The following LRBA variants were observed in gnomAD, a reference collection of about 807,000 sequenced individuals.
The protein encoded by LRBA is LPS responsive beige-like anchor protein.
A neutral mutation model predicts 330.0 loss-of-function variants in LRBA; 176 were observed. The ratio of observed to expected loss-of-function variants is 0.53; its 90% CI spans 0.47 to 0.60. The LOEUF (loss-of-function observed/expected upper bound fraction) is 0.60, where lower values mean the gene tolerates loss of function less well. Ranked by LOEUF, LRBA falls within the 20% of genes least tolerant of loss-of-function variation. LRBA has a pLI of 0.00. For missense variants in LRBA, 3,259 were observed against 3,444.8 expected, an observed-to-expected ratio of 0.95 and a Z score of 1.35; for synonymous variants, 1,230 against 1,193.0, an observed-to-expected ratio of 1.03 and a Z score of -0.64.
intron 39 of LRBA, among the ~76,000 whole-genome samples, chr4:150,588,876 T>C (rs1772448849): frequency 6.6e-6 from 1 of 152,166 alleles, no homozygotes; most frequent in African/African-American, 2.4e-5. Flanking sequence ...TGAATTTTTA[T>C]TGGAATAATC....
At chr4:150,945,948 C>T (rs761867330) in intron 2 of LRBA, among the ~76,000 whole-genome samples, 7 of 151,890 alleles carry the variant, frequency 4.6e-5, no homozygotes, top group Admixed American at 6.6e-5. Flanking sequence ...TACAGGTGTA[C>T]GCCACCAAGC....
intron 49 of LRBA, 129 bp downstream of exon 49, chr4:150,325,680 T>C (rs770783352): frequency 1.8e-5 from 12 of 649,364 alleles, no homozygotes; most frequent in Non-Finnish European, 2.8e-5. Flanking sequence ...GTTAGCAGGT[T>C]AACAAATATT....
At chr4:150,817,924 A>T (rs1744840632) in intron 30 of LRBA, among the ~76,000 whole-genome samples, 1 of 152,090 alleles carries the variant, frequency 6.6e-6, no homozygotes, top group African/African-American at 2.4e-5. Flanking sequence ...TTTTAATTGA[A>T]GTTGGCTCCA....
chr4:150,739,203 A>G (rs899423901), intron 35 of LRBA, among the ~76,000 whole-genome samples: 1 of 152,194 alleles, frequency 6.6e-6, no homozygotes, highest in South Asian at 2.1e-4. Flanking sequence ...GAGATTCTAA[A>G]TTTGTATGCT....
intron 41 of LRBA, among the ~76,000 whole-genome samples, chr4:150,489,144 A>AAGACTATATAAT (rs1758347067): frequency 9.1e-6 from 1 of 110,484 alleles, no homozygotes; most frequent in Admixed American, 1.2e-4. Context: ...TATAATATAT[A>AAGACTATATAAT]ATATATCAGA....
At chr4:150,931,745 G>A (rs967840124) in intron 2 of LRBA, among the ~76,000 whole-genome samples, 29 of 151,860 alleles carry the variant, frequency 1.9e-4, no homozygotes, top group African/African-American at 6.8e-4. Flanking sequence ...CTGGGTGACA[G>A]TGCAAGATCC....
At chr4:150,464,724 T>G (rs1413074891) in intron 44 of LRBA, among the ~76,000 whole-genome samples, 1 of 152,046 alleles carries the variant, frequency 6.6e-6, no homozygotes, top group Non-Finnish European at 1.5e-5. Flanking sequence ...ACCTAAGCTG[T>G]CACAGCTCAA....
chr4:150,828,922 G>GTGGGTGTGTGT (rs1560878315), intron 29 of LRBA, among the ~76,000 whole-genome samples: 6 of 106,176 alleles, frequency 5.7e-5, no homozygotes, highest in African/African-American at 2.7e-4. Flanking sequence ...CTTTTTTGGG[G>GTGGGTGTGTGT]GTGTGTGTGT....
At position 150,827,705 on chromosome 4, in the gene LRBA, G is replaced by A. The variant is rs149807065; in HGVS notation, c.5171+475C>T. 8.9e-3 allele frequency among the ~76,000 whole-genome samples: 1,341 copies of A among 151,262 alleles called. 89 individuals are homozygous for A. Among genetic ancestry groups the A allele is most frequent in the Non-Finnish European group, 2.2e-3 (147 of 67,882 alleles). On this transcript the variant is annotated intron_variant, in intron 30 of 56. Coordinates refer to ENST00000651943, the MANE Select transcript of LRBA (RefSeq NM_001364905.1). ...ACCACTGCCCCTCCTGGGTTCAAGC[G>A]ATTCTCCTGCCTCAGCCTCTGGAGT...
At chr4:150,944,307 AT>A (rs1736005492) in intron 2 of LRBA, among the ~76,000 whole-genome samples, 1 of 152,256 alleles carries the variant, frequency 6.6e-6, no homozygotes, top group African/African-American at 2.4e-5. Context: ...TGTATCATAA[AT>A]TTTTTAATTC....
intron 2 of LRBA, among the ~76,000 whole-genome samples, chr4:150,929,977 G>C (rs1391230017): frequency 6.6e-6 from 1 of 152,030 alleles, no homozygotes; most frequent in Admixed American, 6.5e-5. Context: ...TTTCCAAACT[G>C]CATACCCAAA....
intron 2 of LRBA, 144 bp from the exon 3 acceptor site, chr4:150,929,209 A>G: frequency 1.8e-6 from 1 of 559,982 alleles, no homozygotes; most frequent in South Asian, 3.1e-5. Context: ...CAGCTCAAAA[A>G]ACTGAAGTTT....
At chr4:150,842,596 C>T (rs763067288) in intron 28 of LRBA, among the ~76,000 whole-genome samples, 1 of 152,042 alleles carries the variant, frequency 6.6e-6, no homozygotes, top group Non-Finnish European at 1.5e-5. Flanking sequence ...CAAAGGATTC[C>T]AGGGAGAAAA....
chr4:150,486,645 A>G (rs1435873749), intron 42 of LRBA, among the ~76,000 whole-genome samples: 2 of 151,814 alleles, frequency 1.3e-5, no homozygotes, highest in African/African-American at 4.8e-5. Context: ...TACCTCATAT[A>G]TTCATCATTT....
At chr4:150,573,539 A>G (rs994815615) in intron 40 of LRBA, among the ~76,000 whole-genome samples, 2 of 152,272 alleles carry the variant, frequency 1.3e-5, no homozygotes, top group African/African-American at 2.4e-5. Flanking sequence ...AGATAGACTG[A>G]CTGGTATATA....
intron 48 of LRBA, among the ~76,000 whole-genome samples, chr4:150,337,980 C>T (rs1415177604): frequency 6.6e-6 from 1 of 152,124 alleles, no homozygotes; most frequent in Non-Finnish European, 1.5e-5. Flanking sequence ...GAATTCTAAG[C>T]CAAAAATGCT....
rs967333318 is a variant in LRBA, at chr4:150,964,801, A to C, written c.217-35736T>G. 8.5e-5 allele frequency among the ~76,000 whole-genome samples: 13 copies of C among 152,310 alleles called. No homozygotes were observed. The East Asian group carries it at 2.3e-3, about 27-fold the overall frequency. On this transcript the variant is annotated intron_variant, in intron 2 of 56. Coordinates refer to ENST00000651943, the MANE Select transcript of LRBA (RefSeq NM_001364905.1). ...CCTGCCAAATCCCCCTCTCTGAGAAACACCCAAGAATGATCAATAAATACT... is the reference window on the plus strand; with the variant it reads ...CCTGCCAAATCCCCCTCTCTGAGAACCACCCAAGAATGATCAATAAATACT...
chr4:150,676,992 T>G (rs1321886275), intron 37 of LRBA, among the ~76,000 whole-genome samples: 1 of 152,206 alleles, frequency 6.6e-6, no homozygotes, highest in Admixed American at 6.5e-5. Flanking sequence ...ATCAATCTTA[T>G]CCTTCATAGT....
At chr4:150,901,534 C>A (rs1314203438) in intron 13 of LRBA, among the ~76,000 whole-genome samples, 1 of 152,164 alleles carries the variant, frequency 6.6e-6, no homozygotes, top group Admixed American at 6.5e-5. Flanking sequence ...ATGTTACCTT[C>A]CTGGACAATG....
Sources: allele counts gnomAD v4.1 joint callset (sites outside exome capture counted in the v4.1 genomes callset), GRCh38; gene constraint gnomAD v4.1.1; transcripts MANE v1.5; gene names NCBI Gene and HGNC (gene_info 2026-07-23, HGNC 2026-07-21).